Variants in STXBP3 observed in about 807,000 individuals in gnomAD.
STXBP3 encodes syntaxin binding protein 3.
A neutral mutation model predicts 85.7 loss-of-function variants in STXBP3; 41 were observed. The observed-to-expected ratio is 0.48, with a 90% CI of 0.37 to 0.62. The LOEUF is 0.62. Ranked by LOEUF, STXBP3 falls within the 20% of genes least tolerant of loss-of-function variation. The pLI, the probability that STXBP3 is intolerant of heterozygous loss-of-function variation, is 0.00. For synonymous variants in STXBP3, 229 were observed against 231.7 expected (o/e 0.99, Z 0.10); for missense variants, 563 against 703.1 (o/e 0.80, Z 2.25).
At chr1:108,786,093 T>C (rs1006785530) in intron 11 of STXBP3, among the ~76,000 whole-genome samples, 1 of 152,320 alleles carries the variant, frequency 6.6e-6, no homozygotes, top group African/African-American at 2.4e-5. Context: ...ACCAAAACTG[T>C]ATTAGTCCAT....
chr1:108,779,215 C>G (rs1662664784), intron 8 of STXBP3, 71 bp from the exon 9 acceptor site: 3 of 1,504,538 alleles, frequency 2.0e-6, no homozygotes, highest in Non-Finnish European at 2.7e-6. Flanking sequence ...GCTTTGTATT[C>G]TAAGATATTA....
chr1:108,790,758 AC>A (rs1662957332), intron 11 of STXBP3, among the ~76,000 whole-genome samples: 2 of 152,142 alleles, frequency 1.3e-5, no homozygotes, highest in South Asian at 4.1e-4. Flanking sequence ...ATGTATTCTT[AC>A]CCTAGTTTAA....
intron 7 of STXBP3, among the ~76,000 whole-genome samples, chr1:108,775,577 A>C (rs1446644007): frequency 6.6e-6 from 1 of 151,726 alleles, no homozygotes; most frequent in Admixed American, 6.6e-5. Flanking sequence ...GCCCCTTTCC[A>C]GCCTCTGGTA....
At chr1:108,751,815 A>G (rs1661912304) in intron 1 of STXBP3, among the ~76,000 whole-genome samples, 9 of 152,246 alleles carry the variant, frequency 5.9e-5, no homozygotes, top group Admixed American at 5.9e-4. Context: ...TGTGATATGT[A>G]TTGTTGAAAA....
At chr1:108,793,684 TAGTTTATATTC>T (rs780105486) in intron 12 of STXBP3, 37 bp downstream of exon 12, 12 of 1,538,004 alleles carry the variant, frequency 7.8e-6, no homozygotes, top group East Asian at 4.5e-5. Context: ...TGATTAGTTT[TAGTTTATATTC>T]AGTTTATATT....
chr1:108,756,381 C>T (rs986195806), intron 3 of STXBP3, among the ~76,000 whole-genome samples: 5 of 151,928 alleles, frequency 3.3e-5, no homozygotes, highest in Admixed American at 6.6e-5. Context: ...TTGTAAAATA[C>T]TTGCAAGGTT....
intron 17 of STXBP3, among the ~76,000 whole-genome samples, chr1:108,806,310 G>T (rs1371419864): frequency 6.6e-6 from 1 of 152,066 alleles, no homozygotes; most frequent in Non-Finnish European, 1.5e-5. Flanking sequence ...GGCTAAGTAT[G>T]GATGAAGAAC....
intron 11 of STXBP3, among the ~76,000 whole-genome samples, chr1:108,787,505 C>A (rs1662858332): frequency 6.6e-6 from 1 of 151,862 alleles, no homozygotes; most frequent in Admixed American, 6.6e-5. Flanking sequence ...ACAACAACAA[C>A]AACAAAATAA....
intron 6 of STXBP3, among the ~76,000 whole-genome samples, chr1:108,771,228 GAAAT>G (rs1456902889): frequency 2.0e-5 from 3 of 149,912 alleles, no homozygotes; most frequent in Admixed American, 6.8e-5. Flanking sequence ...AGCGAGAAAA[GAAAT>G]AAAGGATGAA....
intron 6 of STXBP3, among the ~76,000 whole-genome samples, chr1:108,762,920 A>G (rs1319887274): frequency 6.6e-6 from 1 of 152,254 alleles, no homozygotes; most frequent in Non-Finnish European, 1.5e-5. Context: ...TAGCTGAAAT[A>G]TAGTCAAGGC....
chr1:108,755,283 T>C (rs1363062951), intron 3 of STXBP3, among the ~76,000 whole-genome samples: 1 of 152,006 alleles, frequency 6.6e-6, no homozygotes, highest in East Asian at 1.9e-4. Context: ...TTGTCTCTAC[T>C]AAAATCCAAA....
intron 6 of STXBP3, 34 bp downstream of exon 6, chr1:108,760,119 G>A (rs746715864): frequency 1.5e-6 from 2 of 1,377,244 alleles, no homozygotes; most frequent in Non-Finnish European, 2.0e-6. Context: ...GTTCATGAGA[G>A]GTTTCAAATT....
intron 11 of STXBP3, 72 bp from the exon 12 acceptor site, chr1:108,793,510 T>C: frequency 4.6e-6 from 6 of 1,315,800 alleles, no homozygotes; most frequent in African/African-American, 4.5e-5. Flanking sequence ...TGTAAAACTC[T>C]AGGATTTCAA....
chr1:108,789,770 G>A (rs945794211), intron 11 of STXBP3, among the ~76,000 whole-genome samples: 1 of 152,028 alleles, frequency 6.6e-6, no homozygotes, highest in Non-Finnish European at 1.5e-5. Context: ...AATATGTTAA[G>A]ACTTGATTTA....
intron 13 of STXBP3, among the ~76,000 whole-genome samples, chr1:108,795,157 AT>A (rs1663063504): frequency 6.6e-6 from 1 of 152,132 alleles, no homozygotes; most frequent in Admixed American, 6.6e-5. Flanking sequence ...AATGATTTAA[AT>A]TTTGGGAGCA....
chr1:108,797,743 G>GT lies in STXBP3; in HGVS notation c.1357-392dup, dbSNP rs1180555521. Among the ~76,000 whole-genome samples, 473 of 139,540 alleles carry GT rather than the reference G, an allele frequency of 3.4e-3. 4 individuals are homozygous for GT. The highest frequency in any genetic ancestry group is 0.02 in the Middle Eastern group (5 of 250). The allele number at this position is 139,540 out of a possible 152,430, so 91.5% of individuals were successfully genotyped here. On this transcript the variant is annotated intron_variant, in intron 15 of 18. Transcript: ENST00000370008. ...TTTTTGTGTGTATGTGTGTGTGTGT[G>GT]TTTTTTTTTTGAGACGTAGTCTCAC... is the stretch of plus-strand genomic sequence containing the variant.
intron 14 of STXBP3, 104 bp from the exon 15 acceptor site, chr1:108,796,516 C>T: frequency 8.3e-7 from 1 of 1,207,818 alleles, no homozygotes; most frequent in South Asian, 1.6e-5. Context: ...TATAATTTGA[C>T]TGTTTTTTAT....
Position 108,772,724 on chromosome 1 carries a change from T to G in STXBP3, c.498T>G (p.Asn166Lys). 6.2e-7 allele frequency: 1 copy of G among 1,603,786 alleles called. No individual in the cohort carries two copies. Among genetic ancestry groups the G allele is most frequent in the Non-Finnish European group, 8.5e-7 (1 of 1,174,736 alleles). ...ACTGTTATAGTCCAGACCCTGGTAA[T>G]GCAAAGGGAAAAGATGCCATTATGG... The part of the protein sequence containing the change: ...FYYCYSPDPG[N>K]AKGKDAIMET... Residue 166 changes from asparagine to lysine, a missense_variant, in exon 7 of 19, where the codon AAT (asparagine) becomes AAG (lysine). Coordinates refer to ENST00000370008, the MANE Select transcript of STXBP3 (RefSeq NM_007269.4).
intron 7 of STXBP3, among the ~76,000 whole-genome samples, chr1:108,774,053 CTT>C (rs1662531109): frequency 6.6e-6 from 1 of 152,140 alleles, no homozygotes. Context: ...TACCATCTGA[CTT>C]TTAACACATA....
Sources: allele counts gnomAD v4.1 joint callset (sites outside exome capture counted in the v4.1 genomes callset), GRCh38; gene constraint gnomAD v4.1.1; transcripts MANE v1.5; gene names NCBI Gene and HGNC (gene_info 2026-07-23, HGNC 2026-07-21).